SAMD13: variants seen among roughly 807,000 people sequenced by gnomAD.
SAMD13 encodes sterile alpha motif domain containing 13, also known as sterile alpha motif domain-containing protein 13.
In SAMD13, 9 loss-of-function variants were observed where a neutral mutation model predicts 12.4. The observed-to-expected ratio is 0.72, with a 90% confidence interval of 0.44 to 1.26. The LOEUF (loss-of-function observed/expected upper bound fraction) is 1.26, where lower values mean the gene tolerates loss of function less well. Among genes scored for constraint, SAMD13 ranks in the 50% most tolerant of loss-of-function variants. The probability of loss-of-function intolerance (pLI) is 0.00; values close to 1 mark genes in which losing one functional copy is unlikely to be tolerated. For missense variants in SAMD13, 84 were observed against 119.6 expected, an observed-to-expected ratio of 0.70 and a Z score of 1.39; for synonymous variants, 46 against 45.4, an observed-to-expected ratio of 1.01 and a Z score of -0.05.
intron 3 of SAMD13, among the ~76,000 whole-genome samples, chr1:84,346,751 T>G (rs79978505): frequency 6.6e-6 from 1 of 152,358 alleles, no homozygotes; most frequent in East Asian, 1.9e-4. Flanking sequence ...TATCAAATTA[T>G]TAGCTTTCTT....
At chr1:84,308,872 G>C (rs1678645172) in intron 2 of SAMD13, among the ~76,000 whole-genome samples, 1 of 152,074 alleles carries the variant, frequency 6.6e-6, no homozygotes, top group Admixed American at 6.5e-5. Flanking sequence ...CCCAAATTTG[G>C]AGACCAGGGG....
chr1:84,298,833 G>C (rs1179073405), upstream of SAMD13, among the ~76,000 whole-genome samples: 4 of 152,058 alleles, frequency 2.6e-5, no homozygotes, highest in Admixed American at 2.6e-4. Flanking sequence ...GGAGCGGGAC[G>C]GGGTGGTGGC....
At chr1:84,346,182 C>T (rs1679531055) in intron 3 of SAMD13, among the ~76,000 whole-genome samples, 1 of 152,196 alleles carries the variant, frequency 6.6e-6, no homozygotes, top group Admixed American at 6.5e-5. Context: ...CCAGGCCCCA[C>T]TAATAAGCAA....
At chr1:84,326,834 T>C (rs1679071282) in intron 3 of SAMD13, among the ~76,000 whole-genome samples, 1 of 152,214 alleles carries the variant, frequency 6.6e-6, no homozygotes, top group African/African-American at 2.4e-5. Flanking sequence ...CACACGCCAA[T>C]TTCTAGATTT....
At chr1:84,316,441 A>G (rs1003326692) in intron 2 of SAMD13, among the ~76,000 whole-genome samples, 14 of 152,156 alleles carry the variant, frequency 9.2e-5, no homozygotes, top group African/African-American at 3.4e-4. Flanking sequence ...GCATGTGGAT[A>G]TCCAGTTTTC....
At chr1:84,317,379 C>G (rs1385546116) in intron 2 of SAMD13, among the ~76,000 whole-genome samples, 1 of 151,956 alleles carries the variant, frequency 6.6e-6, no homozygotes, top group African/African-American at 2.4e-5. Context: ...GGTAATTTCC[C>G]TCTATCCCTA....
chr1:84,325,356 A>G (rs1212403732), intron 2 of SAMD13, among the ~76,000 whole-genome samples: 1 of 152,172 alleles, frequency 6.6e-6, no homozygotes, highest in Non-Finnish European at 1.5e-5. Context: ...TGTTGAGGTC[A>G]TATCGTAAAA....
intron 3 of SAMD13, among the ~76,000 whole-genome samples, chr1:84,336,840 A>G (rs1316879291): frequency 6.6e-6 from 1 of 152,220 alleles, no homozygotes; most frequent in Non-Finnish European, 1.5e-5. Context: ...AATCAAAAGC[A>G]GTTAGTTACT....
At chr1:84,345,586 C>T (rs546506297) in intron 3 of SAMD13, among the ~76,000 whole-genome samples, 92 of 152,296 alleles carry the variant, frequency 6.0e-4, no homozygotes, top group African/African-American at 2.1e-3. Context: ...GCGCAGAGCC[C>T]GACCTTCATA....
chr1:84,329,791 G>A (rs1418452455), intron 3 of SAMD13, among the ~76,000 whole-genome samples: 2 of 152,178 alleles, frequency 1.3e-5, no homozygotes, highest in African/African-American at 4.8e-5. Context: ...TCCCTGCCTA[G>A]CCCATCACAA....
intron 2 of SAMD13, among the ~76,000 whole-genome samples, chr1:84,308,585 TG>T (rs1228282294): frequency 6.6e-6 from 1 of 152,222 alleles, no homozygotes; most frequent in Non-Finnish European, 1.5e-5. Flanking sequence ...ATATTTGTAC[TG>T]GTTATTTCTT....
Position 84,306,830 on chromosome 1 carries a change from A to AAATAATAAT in SAMD13, c.53+3561_53+3569dup, listed in dbSNP as rs56408257. On this transcript the variant is annotated intron_variant, in intron 2 of 3. Transcript: ENST00000394834. ...TGGGTGACAGTGAGACTCCGTCTCA[A>AAATAATAAT]AATAATAATAATAATAATAATAATA... is the stretch of plus-strand genomic sequence containing the variant. 5.9e-3 allele frequency among the ~76,000 whole-genome samples: 859 copies of AAATAATAAT among 144,472 alleles called. 2 individuals are homozygous for AAATAATAAT. The highest frequency in any genetic ancestry group is 7.5e-3 in the Non-Finnish European group (493 of 65,932). 94.8% of individuals were successfully genotyped at this position (144,472 alleles called of 152,430 possible). A position where few individuals can be genotyped will look rare whatever the true frequency, so the allele number is the denominator to read the frequency against.
chr1:84,302,769 G>GA, intron 1 of SAMD13: 7 of 749,692 alleles, frequency 9.3e-6, no homozygotes, highest in Non-Finnish European at 1.1e-5. Context: ...AGGGGGAGTG[G>GA]ACAAAAAAAA....
chr1:84,299,664 T>TATATATAC, upstream of SAMD13: 2 of 926,790 alleles, frequency 2.2e-6, no homozygotes, highest in Non-Finnish European at 2.8e-6. Flanking sequence ...AGTGTATATA[T>TATATATAC]ATATATATAT....
At chr1:84,339,955 C>A (rs1183751294) in intron 3 of SAMD13, among the ~76,000 whole-genome samples, 2 of 152,118 alleles carry the variant, frequency 1.3e-5, no homozygotes, top group East Asian at 1.9e-4. Context: ...TACGGAGGAG[C>A]AAGGATGTGG....
intron 3 of SAMD13, among the ~76,000 whole-genome samples, chr1:84,327,579 T>C (rs1679085150): frequency 6.6e-6 from 1 of 152,056 alleles, no homozygotes. Flanking sequence ...GATTCAGGTT[T>C]GTGCATTACA....
chr1:84,335,013 A>G (rs529103721), intron 3 of SAMD13, among the ~76,000 whole-genome samples: 2 of 152,238 alleles, frequency 1.3e-5, no homozygotes, highest in African/African-American at 4.8e-5. Flanking sequence ...TGAGAAGAAT[A>G]TATATTCTGC....
intron 2 of SAMD13, among the ~76,000 whole-genome samples, chr1:84,305,825 G>C (rs1233323526): frequency 1.3e-5 from 2 of 151,966 alleles, no homozygotes; most frequent in East Asian, 3.9e-4. Flanking sequence ...CTTATTTCTG[G>C]GCTCTCTATT....
chr1:84,318,562 A>T (rs1199936362), intron 2 of SAMD13, among the ~76,000 whole-genome samples: 2 of 152,162 alleles, frequency 1.3e-5, no homozygotes, highest in Non-Finnish European at 2.9e-5. Context: ...GCTTGAAAAG[A>T]AATGTATATT....
Sources: gnomAD v4.1 joint callset for allele counts (sites outside exome capture counted in the v4.1 genomes callset) on GRCh38, gnomAD v4.1.1 for gene constraint, MANE v1.5 for transcripts, NCBI Gene and HGNC (gene_info 2026-07-23, HGNC 2026-07-21) for gene names.